Variants in TSPAN15 observed in about 807,000 individuals in gnomAD.
TSPAN15 encodes the protein tetraspanin 15.
A neutral mutation model predicts 34.5 loss-of-function variants in TSPAN15; 20 were observed. That is an observed-to-expected ratio of 0.58 (90% confidence interval 0.41 to 0.84). The LOEUF is 0.84. TSPAN15 is among the 40% of genes least tolerant of loss of function. The probability of loss-of-function intolerance (pLI) is 0.00; values close to 1 mark genes in which losing one functional copy is unlikely to be tolerated. For synonymous variants in TSPAN15, 155 were observed against 153.9 expected (o/e 1.01, Z -0.05); for missense variants, 313 against 386.1 (o/e 0.81, Z 1.59).
Position 69,454,096 on chromosome 10 carries a change from T to A in TSPAN15, c.96+2406T>A, listed in dbSNP as rs113322311. Among the ~76,000 whole-genome samples the A allele has an allele frequency of 8.9e-3, 1,361 of 152,286 alleles. 19 individuals carry two copies. The highest frequency in any genetic ancestry group is 0.031 in the African/African-American group (1,299 of 41,566). ...GCCATCTCTGGTGCCATCTCTGGGG[T>A]TGAGGGAAGGGTTACTTGCTTTGTA... On this transcript the variant is annotated intron_variant, in intron 1 of 7. Transcript: ENST00000373290.
chr10:69,472,722 A>C (rs1841532556), intron 1 of TSPAN15, among the ~76,000 whole-genome samples: 1 of 152,216 alleles, frequency 6.6e-6, no homozygotes, highest in African/African-American at 2.4e-5. Flanking sequence ...GGGAAGAAGT[A>C]ACATTTACTG....
chr10:69,460,016 G>GGAGATGAGATGAGAT (rs56801982), intron 1 of TSPAN15, among the ~76,000 whole-genome samples: 5 of 141,124 alleles, frequency 3.5e-5, no homozygotes, highest in Non-Finnish European at 7.7e-5. Context: ...GGGTAGTTGG[G>GGAGATGAGATGAGAT]GAGATGAGAT....
chr10:69,462,294 C>A (rs1248071612), intron 1 of TSPAN15, among the ~76,000 whole-genome samples: 2 of 151,004 alleles, frequency 1.3e-5, no homozygotes, highest in Non-Finnish European at 2.9e-5. Flanking sequence ...AGCCACCGTG[C>A]CTAGCTTTAT....
At chr10:69,547,607 T>G in the TSPAN15 span, among the ~76,000 whole-genome samples, 13 of 152,244 alleles carry the variant, frequency 8.5e-5, no homozygotes, top group African/African-American at 2.4e-4. Context: ...TGAAGACATC[T>G]GGACTAAGAC....
In TSPAN15 at chr10:69,498,483, A is replaced by G. The variant is rs923736859; in HGVS notation, c.570+87A>G. On this transcript the variant is annotated intron_variant, in intron 5 of 7. Coordinates refer to ENST00000373290, the MANE Select transcript of TSPAN15 (RefSeq NM_012339.5). ...TCTTTTCTCTCTTCCCAACTTGAAG[A>G]TGGGTGGTGTGGGTGGATGGCAGGG... 12 of 1,110,402 alleles carry G rather than the reference A, an allele frequency of 1.1e-5. No homozygotes were observed. The East Asian group carries it at 1.8e-4, about 16-fold the overall frequency. The allele number at this position is 1,110,402 out of a possible 1,614,324, so 68.8% of individuals were successfully genotyped here.
chr10:69,519,851 G>C, the TSPAN15 span, among the ~76,000 whole-genome samples: 1 of 152,068 alleles, frequency 6.6e-6, no homozygotes, highest in Non-Finnish European at 1.5e-5. Context: ...TCCTGCCTCA[G>C]CCTCCCGAGT....
At chr10:69,460,877 A>G (rs1388638610) in intron 1 of TSPAN15, among the ~76,000 whole-genome samples, 1 of 152,072 alleles carries the variant, frequency 6.6e-6, no homozygotes, top group East Asian at 1.9e-4. Context: ...TGGGAAGACC[A>G]GGTCTGGAGG....
the TSPAN15 span, among the ~76,000 whole-genome samples, chr10:69,539,531 A>G: frequency 1.2e-3 from 116 of 95,118 alleles, 6 homozygotes; most frequent in African/African-American, 3.8e-3. Context: ...AAGAAGAAGA[A>G]GAAGAAGGAG....
At chr10:69,521,114 G>T in the TSPAN15 span, among the ~76,000 whole-genome samples, 1 of 152,022 alleles carries the variant, frequency 6.6e-6, no homozygotes, top group African/African-American at 2.4e-5. Context: ...TGAGTGTGTT[G>T]CAGAAGAGAT....
chr10:69,505,973 T>G (rs1564617786), intron 6 of TSPAN15, 151 bp from the exon 7 acceptor site: 3 of 625,644 alleles, frequency 4.8e-6, no homozygotes, highest in Admixed American at 2.8e-5. Flanking sequence ...AGAATCAGAA[T>G]CTAGGGTCAC....
At chr10:69,454,955 G>A (rs925605416) in intron 1 of TSPAN15, among the ~76,000 whole-genome samples, 8 of 152,116 alleles carry the variant, frequency 5.3e-5, no homozygotes, top group Non-Finnish European at 7.4e-5. Context: ...GTGAGGTTAA[G>A]AGATCAAGAC....
At chr10:69,453,882 C>T (rs535630672) in intron 1 of TSPAN15, among the ~76,000 whole-genome samples, 1 of 152,302 alleles carries the variant, frequency 6.6e-6, no homozygotes, top group Non-Finnish European at 1.5e-5. Context: ...ACTCCCATCC[C>T]TGGAAGTATT....
chr10:69,495,276 A>G (rs773320782), intron 3 of TSPAN15: 1 of 278,204 alleles, frequency 3.6e-6, no homozygotes, highest in Non-Finnish European at 6.9e-6. Context: ...TGGCGGCATC[A>G]GAGCTGTGTG....
the TSPAN15 span, among the ~76,000 whole-genome samples, chr10:69,518,256 G>T: frequency 1.3e-5 from 2 of 152,234 alleles, no homozygotes; most frequent in African/African-American, 2.4e-5. Context: ...AATGTGCAAA[G>T]AATGCAAAGG....
chr10:69,512,620 G>A (rs1214523876), downstream of TSPAN15, among the ~76,000 whole-genome samples: 1 of 152,200 alleles, frequency 6.6e-6, no homozygotes, highest in Admixed American at 6.5e-5. Flanking sequence ...TAAGCAATCA[G>A]AGCTCTGCTT....
Position 69,488,039 on chromosome 10 carries a change from G to A in TSPAN15, c.357+2824G>A, listed in dbSNP as rs915602775. ...ACAAAATTATAAATGCAGTAAGATC[G>A]CTACAATGAAAAAAATAGGTCTACA... On this transcript the variant is annotated intron_variant, in intron 3 of 7. Coordinates refer to ENST00000373290, the MANE Select transcript of TSPAN15 (RefSeq NM_012339.5). Among the ~76,000 whole-genome samples, 5 of 152,160 alleles carry A rather than the reference G, an allele frequency of 3.3e-5. No individual in the cohort carries two copies. In the East Asian group the frequency reaches 5.8e-4, roughly 18 times the overall value.
At chr10:69,529,537 C>T in the TSPAN15 span, among the ~76,000 whole-genome samples, 1 of 147,598 alleles carries the variant, frequency 6.8e-6, no homozygotes, top group African/African-American at 2.5e-5. Flanking sequence ...CTGTAACTTC[C>T]CTCCTTATAT....
At chr10:69,527,971 G>T in the TSPAN15 span, among the ~76,000 whole-genome samples, 1 of 148,094 alleles carries the variant, frequency 6.8e-6, no homozygotes, top group South Asian at 2.1e-4. Context: ...GGGATCTTTG[G>T]GGTGTCACTC....
the TSPAN15 span, among the ~76,000 whole-genome samples, chr10:69,536,327 T>C: frequency 6.6e-6 from 1 of 152,218 alleles, no homozygotes; most frequent in Non-Finnish European, 1.5e-5. Context: ...CACATGCTCA[T>C]TGACCATTCC....
Sources: allele counts gnomAD v4.1 joint callset (sites outside exome capture counted in the v4.1 genomes callset), GRCh38; gene constraint gnomAD v4.1.1; transcripts MANE v1.5; gene names NCBI Gene and HGNC (gene_info 2026-07-23, HGNC 2026-07-21).